WDPCP: variants seen among roughly 807,000 people sequenced by gnomAD.
WDPCP encodes the protein WD repeat containing planar cell polarity effector, also known as WD repeat-containing and planar cell polarity effector protein fritz homolog.
In WDPCP, 71 loss-of-function variants were observed where a neutral mutation model predicts 93.1. That is an observed-to-expected ratio of 0.76 (90% CI 0.63 to 0.93). The LOEUF (loss-of-function observed/expected upper bound fraction) is 0.93, where lower values mean the gene tolerates loss of function less well. Ranked by LOEUF, WDPCP falls within the 40% of genes least tolerant of loss-of-function variation. The probability of loss-of-function intolerance (pLI) is 0.00; values close to 1 mark genes in which losing one functional copy is unlikely to be tolerated. For missense variants in WDPCP, 844 were observed against 887.4 expected (o/e 0.95, Z 0.62); for synonymous variants, 315 against 315.0 (o/e 1.00, Z 0.00).
intron 6 of WDPCP, among the ~76,000 whole-genome samples, chr2:63,460,927 C>T (rs1330826746): frequency 6.6e-6 from 1 of 152,022 alleles, no homozygotes; most frequent in Non-Finnish European, 1.5e-5. Flanking sequence ...CGCCCAGCCA[C>T]TAAGTCTCTT....
chr2:63,772,197 G>A (rs1479942967), intron 2 of WDPCP, among the ~76,000 whole-genome samples: 1 of 151,770 alleles, frequency 6.6e-6, no homozygotes. Flanking sequence ...TGAAGCATCT[G>A]CCTTTTTGAC....
chr2:63,588,867 A>G (rs1709071052), upstream of WDPCP: 2 of 766,408 alleles, frequency 2.6e-6, no homozygotes, highest in South Asian at 3.2e-5. Context: ...AATGCTTTGG[A>G]GATTGCGCCA....
chr2:63,588,737 G>A (rs531279454), upstream of WDPCP: 85 of 504,040 alleles, frequency 1.7e-4, 1 homozygote, highest in East Asian at 3.0e-3. Flanking sequence ...TCCGTTTGTT[G>A]TCGTCCTCCA....
At chr2:63,485,814 T>G (rs1700541788) in intron 4 of WDPCP, among the ~76,000 whole-genome samples, 1 of 151,844 alleles carries the variant, frequency 6.6e-6, no homozygotes, top group South Asian at 2.1e-4. Context: ...GTGTGTTATA[T>G]GTACATATAC....
At chr2:63,745,761 A>T (rs1032221912) in intron 2 of WDPCP, among the ~76,000 whole-genome samples, 2 of 151,888 alleles carry the variant, frequency 1.3e-5, no homozygotes, top group Non-Finnish European at 2.9e-5. Context: ...GTTCTGTATG[A>T]CTCCTGATGA....
chr2:63,631,398 C>G (rs983429788), intron 3 of WDPCP, among the ~76,000 whole-genome samples: 2 of 151,412 alleles, frequency 1.3e-5, no homozygotes, highest in Non-Finnish European at 2.9e-5. Flanking sequence ...AAGTTTCCAC[C>G]TAAGGAAGCT....
intron 2 of WDPCP, among the ~76,000 whole-genome samples, chr2:63,655,709 C>T (rs1248835438): frequency 6.6e-6 from 1 of 152,088 alleles, no homozygotes; most frequent in Admixed American, 6.5e-5. Flanking sequence ...CTATATATGT[C>T]CTTGTTTACT....
At chr2:63,790,161 G>A (rs1441908763) in intron 2 of WDPCP, among the ~76,000 whole-genome samples, 2 of 152,148 alleles carry the variant, frequency 1.3e-5, no homozygotes, top group African/African-American at 2.4e-5. Flanking sequence ...TAGATCTAGA[G>A]CCACCCATCA....
chr2:63,823,774 A>G (rs1671065921), intron 1 of WDPCP, among the ~76,000 whole-genome samples: 1 of 152,224 alleles, frequency 6.6e-6, no homozygotes, highest in South Asian at 2.1e-4. Context: ...TTCAAAAGCC[A>G]CCATGAAACA....
In WDPCP at chr2:63,749,410, T is replaced by G. The variant is rs1482115187; in HGVS notation, n.308+64212A>C. Among the ~76,000 whole-genome samples, 10 of 152,248 alleles carry G rather than the reference T, an allele frequency of 6.6e-5. No homozygotes were observed. In the South Asian group the frequency reaches 1.2e-3, roughly 19 times the overall value. On this transcript the variant is annotated intron_variant and non_coding_transcript_variant, in intron 2 of 4. Transcript: ENST00000467687. Reference sequence around the variant, plus strand: ...CAGACAGTCCCCAATTTACAATGGTTTGCTTATAATTTTTTGACTTTATAG... The same window carrying G: ...CAGACAGTCCCCAATTTACAATGGTGTGCTTATAATTTTTTGACTTTATAG...
intron 6 of WDPCP, among the ~76,000 whole-genome samples, chr2:63,453,552 T>C (rs533431110): frequency 1.3e-5 from 2 of 152,266 alleles, no homozygotes; most frequent in East Asian, 1.9e-4. Flanking sequence ...CTCAAGTATA[T>C]AGAACTAGAA....
intron 13 of WDPCP, 29 bp downstream of exon 13, chr2:63,313,219 G>T: frequency 6.2e-7 from 1 of 1,606,360 alleles, no homozygotes; most frequent in Non-Finnish European, 8.5e-7. Flanking sequence ...AGAACTGAAG[G>T]CACAAAATCA....
chr2:63,151,407 T>C (rs185568285), intron 17 of WDPCP, among the ~76,000 whole-genome samples: 1 of 152,258 alleles, frequency 6.6e-6, no homozygotes, highest in Non-Finnish European at 1.5e-5. Flanking sequence ...GTGTTTTTAG[T>C]AGAGATGGGG....
At chr2:63,495,978 AAAG>A (rs1349008038) in intron 1 of WDPCP, among the ~76,000 whole-genome samples, 2 of 152,220 alleles carry the variant, frequency 1.3e-5, no homozygotes, top group Non-Finnish European at 2.9e-5. Flanking sequence ...TGCAAGTAAG[AAAG>A]AAAAGAGATG....
intron 2 of WDPCP, among the ~76,000 whole-genome samples, chr2:63,703,210 G>C (rs1160276445): frequency 6.6e-6 from 1 of 152,180 alleles, no homozygotes; most frequent in East Asian, 1.9e-4. Flanking sequence ...ATAGCAGCAT[G>C]ATTTATAATC....
intron 2 of WDPCP, among the ~76,000 whole-genome samples, chr2:63,708,466 C>A (rs942111400): frequency 1.3e-5 from 2 of 152,212 alleles, no homozygotes; most frequent in African/African-American, 4.8e-5. Context: ...GTTTGTTAAG[C>A]CCGTTGGGAA....
rs10667775 is a variant in WDPCP, at chr2:63,497,111, CAAAAAA to C, written c.76-4177_76-4172del. Among the ~76,000 whole-genome samples, 306 of 72,468 alleles carry C rather than the reference CAAAAAA, an allele frequency of 4.2e-3. 2 individuals carry two copies. The Middle Eastern group carries it at 0.093, about 22-fold the overall frequency. 47.5% of individuals were successfully genotyped at this position (72,468 alleles called of 152,430 possible). A position where few individuals can be genotyped will look rare whatever the true frequency, so the allele number is the denominator to read the frequency against. On this transcript the variant is annotated intron_variant, in intron 1 of 17. Coordinates refer to ENST00000272321, the MANE Select transcript of WDPCP (RefSeq NM_015910.7). ...TAGGTGACAGAGTGAGACTCCATCT[CAAAAAA>C]AAAAAAAAAAAAAAAGAATGGAGAA...
intron 13 of WDPCP, among the ~76,000 whole-genome samples, chr2:63,278,938 G>C (rs1277308221): frequency 6.6e-6 from 1 of 152,148 alleles, no homozygotes; most frequent in African/African-American, 2.4e-5. Context: ...GATTAAACCA[G>C]GGAGATATAT....
At chr2:63,736,894 A>C (rs779714876) in intron 2 of WDPCP, among the ~76,000 whole-genome samples, 1 of 152,210 alleles carries the variant, frequency 6.6e-6, no homozygotes. Flanking sequence ...CACTGCAGGC[A>C]TATTATGTCA....
Sources: allele counts gnomAD v4.1 joint callset (sites outside exome capture counted in the v4.1 genomes callset), GRCh38; gene constraint gnomAD v4.1.1; transcripts MANE v1.5; gene names NCBI Gene and HGNC (gene_info 2026-07-23, HGNC 2026-07-21).